CRYBG3: variants seen among roughly 807,000 people sequenced by gnomAD.
The protein encoded by CRYBG3 is very large A-kinase anchor protein.
In CRYBG3, 127 loss-of-function variants were observed where a neutral mutation model predicts 244.2. The ratio of observed to expected loss-of-function variants is 0.52; its 90% confidence interval spans 0.45 to 0.60. The LOEUF (loss-of-function observed/expected upper bound fraction) is 0.60. Among genes scored for constraint, CRYBG3 ranks in the 20% least tolerant of loss-of-function variants. The probability of loss-of-function intolerance (pLI) is 0.00; values close to 1 mark genes in which losing one functional copy is unlikely to be tolerated. For synonymous variants in CRYBG3, 1,132 were observed against 1,195.8 expected (o/e 0.95, Z 1.10); for missense variants, 3,325 against 3,442.5 (o/e 0.97, Z 0.85).
intron 1 of CRYBG3, among the ~76,000 whole-genome samples, chr3:97,836,311 G>T (rs2038732237): frequency 6.6e-6 from 1 of 151,948 alleles, no homozygotes; most frequent in South Asian, 2.1e-4. Context: ...CCTTAAAATT[G>T]CAGCTTTTAG....
chr3:97,841,262 ATACACATATATGTACATATAGGTGCG>A (rs1455313241), intron 1 of CRYBG3, among the ~76,000 whole-genome samples: 30 of 140,654 alleles, frequency 2.1e-4, no homozygotes, highest in African/African-American at 6.8e-4. Flanking sequence ...ATATATGTGT[ATACACATATATGTACATATAGGTGCG>A]TACACCTATA....
chr3:97,870,904 A>G (rs926986035), intron 3 of CRYBG3, among the ~76,000 whole-genome samples: 2 of 142,820 alleles, frequency 1.4e-5, no homozygotes, highest in Admixed American at 1.4e-4. Context: ...TTAATGTGAC[A>G]AATGTTGTGC....
chr3:97,842,235 A>G (rs1258672288), intron 1 of CRYBG3, among the ~76,000 whole-genome samples: 2 of 152,152 alleles, frequency 1.3e-5, no homozygotes, highest in Non-Finnish European at 2.9e-5. Flanking sequence ...TGAAAGTATG[A>G]AAACAGGATA....
rs2039357024 is a variant in CRYBG3 at position 97,875,260 on chromosome 3, A to G, written c.4066A>G (p.Arg1356Gly). The G allele has an allele frequency of 7.4e-6, 11 of 1,491,412 alleles. No individual in the cohort carries two copies. The highest frequency in any genetic ancestry group is 1.3e-5 in the South Asian group (1 of 75,920). The allele number at this position is 1,491,412 out of a possible 1,614,324, so 92.4% of individuals were successfully genotyped here. A position where few individuals can be genotyped will look rare whatever the true frequency, so the allele number is the denominator to read the frequency against. ...TAGTGTTAAGCCACATGATGTAGTT[A>G]GAGAGTTCTTGGTTTCAGAACAGCC... ...SDSVKPHDVVREFLVSEQPVN... is the reference protein window; with the variant it reads ...SDSVKPHDVVGEFLVSEQPVN... The change falls in exon 4 of 22, where the codon AGA becomes GGA. Residue 1356 changes from arginine to glycine, a missense_variant. This residue lies in a region of CRYBG3 where 635 missense variants were observed against 771.7 expected (regional missense o/e 0.82). Transcript: ENST00000389622.
intron 4 of CRYBG3, among the ~76,000 whole-genome samples, chr3:97,879,370 A>G (rs923242021): frequency 6.6e-6 from 1 of 152,136 alleles, no homozygotes; most frequent in South Asian, 2.1e-4. Flanking sequence ...GAACCTCTGT[A>G]TGCCCTCACC....
At chr3:97,909,971 G>T (rs1207594849) in intron 15 of CRYBG3, among the ~76,000 whole-genome samples, 1 of 151,130 alleles carries the variant, frequency 6.6e-6, no homozygotes, top group Non-Finnish European at 1.5e-5. Context: ...CTAACAGACA[G>T]GACCCTCAGC....
chr3:97,895,113 G>C (rs973488272), intron 11 of CRYBG3, among the ~76,000 whole-genome samples: 1 of 152,174 alleles, frequency 6.6e-6, no homozygotes, highest in African/African-American at 2.4e-5. Flanking sequence ...CAACCCTGGA[G>C]CTCAGAAATA....
In CRYBG3 at chr3:97,888,314, T is replaced by G. The variant is rs771656398; in HGVS notation, c.7290-27T>G. On this transcript the variant is annotated intron_variant, in intron 8 of 21. Coordinates refer to ENST00000389622, the MANE Select transcript of CRYBG3 (RefSeq NM_153605.4). ...CCAGACTAAAGCAGTACTATTATAC[T>G]TTAACTAACTATCTATTTTTATATA... 10 of 1,395,158 alleles carry G rather than the reference T, an allele frequency of 7.2e-6. No individual in the cohort carries two copies. The Middle Eastern group carries it at 5.4e-4, about 75-fold the overall frequency. The allele number at this position is 1,395,158 out of a possible 1,614,324, so 86.4% of individuals were successfully genotyped here.
rs2038848059 is a variant in CRYBG3 at position 97,843,311 on chromosome 3, G to A, written c.216+50G>A. 4.7e-6 allele frequency: 4 copies of A among 853,664 alleles called. No individual in the cohort carries two copies. In the South Asian group the frequency reaches 6.8e-5, roughly 15 times the overall value. 52.9% of individuals were successfully genotyped at this position (853,664 alleles called of 1,614,324 possible). A position where few individuals can be genotyped will look rare whatever the true frequency, so the allele number is the denominator to read the frequency against. ...TTATATCAAGCAAATATCTTAAATTGCTGTTAATTCTTTTAGATTCTGTCA... is the reference window on the plus strand; with the variant it reads ...TTATATCAAGCAAATATCTTAAATTACTGTTAATTCTTTTAGATTCTGTCA... On this transcript the variant is annotated intron_variant, in intron 2 of 21. Coordinates refer to ENST00000389622, the MANE Select transcript of CRYBG3 (RefSeq NM_153605.4).
intron 4 of CRYBG3, among the ~76,000 whole-genome samples, chr3:97,879,078 G>A (rs1429144821): frequency 6.6e-6 from 1 of 152,154 alleles, no homozygotes; most frequent in Non-Finnish European, 1.5e-5. Context: ...AGAAATGATA[G>A]GATTTGAAGA....
At chr3:97,907,174 C>G (rs1267554751) in intron 15 of CRYBG3, among the ~76,000 whole-genome samples, 4 of 152,118 alleles carry the variant, frequency 2.6e-5, no homozygotes, top group Non-Finnish European at 5.9e-5. Context: ...ATTTTTGCAT[C>G]AATGTTCATC....
intron 17 of CRYBG3, among the ~76,000 whole-genome samples, chr3:97,931,949 C>T (rs975819749): frequency 6.6e-6 from 1 of 151,904 alleles, no homozygotes; most frequent in South Asian, 2.1e-4. Context: ...TGCCTGAAGG[C>T]CATTAAAAAA....
Position 97,822,138 on chromosome 3 carries a change from G to C in CRYBG3, c.-69G>C. 7.5e-7 allele frequency: 1 copy of C among 1,341,078 alleles called. No individual in the cohort carries two copies. Among genetic ancestry groups the C allele is most frequent in the East Asian group, 2.9e-5 (1 of 33,908 alleles). 83.1% of individuals were successfully genotyped at this position (1,341,078 alleles called of 1,614,324 possible). A position where few individuals can be genotyped will look rare whatever the true frequency, so the allele number is the denominator to read the frequency against. On this transcript the variant is annotated 5_prime_UTR_variant, in exon 1 of 22. Coordinates refer to ENST00000389622, the MANE Select transcript of CRYBG3 (RefSeq NM_153605.4). Reference sequence around the variant, plus strand: ...GCCGCATCCCGCGGCGCCCGGTCGGGCTCCGGGCACCAGGCAACACCTAGG... The same window carrying C: ...GCCGCATCCCGCGGCGCCCGGTCGGCCTCCGGGCACCAGGCAACACCTAGG...
At chr3:97,849,079 T>C (rs2038946590) in intron 2 of CRYBG3, among the ~76,000 whole-genome samples, 2 of 152,212 alleles carry the variant, frequency 1.3e-5, no homozygotes, top group South Asian at 2.1e-4. Flanking sequence ...CTTGGTAACT[T>C]TGGGAAATTT....
At chr3:97,851,569 A>G (rs2038986089) in intron 2 of CRYBG3, among the ~76,000 whole-genome samples, 1 of 152,238 alleles carries the variant, frequency 6.6e-6, no homozygotes, top group African/African-American at 2.4e-5. Context: ...CAGCAGTGGA[A>G]ATAGCATTCT....
chr3:97,877,618 G>C lies in CRYBG3; in HGVS notation c.6424G>C (p.Asp2142His), dbSNP rs563102328. The C allele has an allele frequency of 1.5e-5, 24 of 1,614,090 alleles. No homozygotes were observed. The highest frequency in any genetic ancestry group is 1.9e-5 in the Non-Finnish European group (23 of 1,180,002). Residue 2142 changes from aspartate (D) to histidine (H), a missense_variant, in exon 4 of 22, where the codon GAC becomes CAC. Around this residue, in one of 4 missense-constraint regions of CRYBG3, gnomAD observed 450 missense variants for 424.1 expected, o/e 1.06. Transcript: ENST00000389622. ...ERLKMNFDEDDREAADEEEEE... is the reference protein window; with the variant it reads ...ERLKMNFDEDHREAADEEEEE... ...TTTAAAGATGAATTTTGATGAAGAT[G>C]ACAGAGAGGCAGCTGATGAGGAAGA...
chr3:97,890,518 T>G (rs1265606914), intron 10 of CRYBG3, among the ~76,000 whole-genome samples: 1 of 152,170 alleles, frequency 6.6e-6, no homozygotes, highest in Non-Finnish European at 1.5e-5. Flanking sequence ...ATTTGTGGCT[T>G]TCCCATCAAA....
At chr3:97,852,925 G>A (rs931310710) in intron 2 of CRYBG3, among the ~76,000 whole-genome samples, 1 of 152,148 alleles carries the variant, frequency 6.6e-6, no homozygotes, top group African/African-American at 2.4e-5. Flanking sequence ...TGGATAATTA[G>A]CAATGTTGAG....
In CRYBG3 at chr3:97,845,691, A is replaced by T. The variant is rs1191303880; in HGVS notation, c.216+2430A>T. 2.0e-5 allele frequency among the ~76,000 whole-genome samples: 3 copies of T among 152,062 alleles called. No homozygotes were observed. The East Asian group carries it at 5.8e-4, about 29-fold the overall frequency. On this transcript the variant is annotated intron_variant, in intron 2 of 21. Transcript: ENST00000389622. ...CTCAAGCCCCCATCTTGACTACAAC[A>T]TGTGCAGTGGTATTGGTGTCCTTAC...
Sources: gnomAD v4.1 joint callset for allele counts (sites outside exome capture counted in the v4.1 genomes callset) on GRCh38, gnomAD v4.1.1 for gene constraint, gnomAD v4.1.1 regional missense constraint, MANE v1.5 for transcripts, NCBI Gene and HGNC (gene_info 2026-07-23, HGNC 2026-07-21) for gene names.